The following GLRA2 variants were observed in gnomAD, a reference collection of about 807,000 sequenced individuals.
GLRA2 encodes glycine receptor subunit alpha-2.
In GLRA2, 11 loss-of-function variants were observed where a neutral mutation model predicts 31.6. That is an observed-to-expected ratio of 0.35 (90% CI 0.22 to 0.58). The LOEUF is 0.58. Among genes scored for constraint, GLRA2 ranks in the 20% least tolerant of loss-of-function variants. The pLI, the probability that GLRA2 is intolerant of heterozygous loss-of-function variation, is 0.84. For synonymous variants in GLRA2, 132 were observed against 134.0 expected (o/e 0.99, Z 0.10); for missense variants, 212 against 351.8 (o/e 0.60, Z 3.18).
At chrX:14,580,663 G>T (rs2090006918) in intron 3 of GLRA2, among the ~76,000 whole-genome samples, 1 of 112,144 alleles carries the variant, frequency 8.9e-6, no homozygotes, top group African/African-American at 3.2e-5. Flanking sequence ...CAACATGAAA[G>T]ATCTTAATGT....
chrX:14,471,200 TGAGAA>T, the GLRA2 span, among the ~76,000 whole-genome samples: 1 of 111,983 alleles, frequency 8.9e-6, no homozygotes, highest in East Asian at 2.8e-4. Flanking sequence ...AACACATTAA[TGAGAA>T]GAGACCTAAT....
At chrX:14,658,720 T>C (rs934841993) in intron 7 of GLRA2, among the ~76,000 whole-genome samples, 3 of 112,057 alleles carry the variant, frequency 2.7e-5, no homozygotes, top group Middle Eastern at 4.6e-3. Flanking sequence ...CCCAATGAGA[T>C]GAAAGCTGAA....
rs960410367 is a variant in GLRA2, at chrX:14,532,441, A to G, written c.202+69A>G. The G allele has an allele frequency of 7.5e-6, 5 of 662,344 alleles. No individual in the cohort carries two copies. In the African/African-American group the frequency reaches 1.1e-4, roughly 15 times the overall value. 54.6% of individuals were successfully genotyped at this position (662,344 alleles called of 1,213,427 possible). On this transcript the variant is annotated intron_variant, in intron 2 of 8. Transcript: ENST00000218075. ...TAGATGTTTGAATAGTTAACTGAAAAACATTTTCAGGGCTTTTAATTATAA... is the reference window on the plus strand; with the variant it reads ...TAGATGTTTGAATAGTTAACTGAAAGACATTTTCAGGGCTTTTAATTATAA...
intron 4 of GLRA2, among the ~76,000 whole-genome samples, chrX:14,582,669 C>T (rs1216148391): frequency 1.8e-5 from 2 of 111,731 alleles, no homozygotes; most frequent in East Asian, 5.6e-4. Context: ...AATCTATGAC[C>T]CTCAGTTACC....
At chrX:14,613,663 A>G (rs73454666) in intron 7 of GLRA2, among the ~76,000 whole-genome samples, 4,159 of 111,354 alleles carry the variant, frequency 0.037, 125 homozygotes, top group African/African-American at 0.097. Context: ...GTATTTGCAA[A>G]GATCCTGGAA....
At chrX:14,632,032 T>C (rs910791656) in intron 7 of GLRA2, among the ~76,000 whole-genome samples, 2 of 74,959 alleles carry the variant, frequency 2.7e-5, no homozygotes, top group Admixed American at 1.6e-4. Context: ...GACCCTCAGA[T>C]CCATCTTTTC....
At chrX:14,583,485 T>C (rs1385580122) in intron 4 of GLRA2, among the ~76,000 whole-genome samples, 2 of 112,527 alleles carry the variant, frequency 1.8e-5, no homozygotes, top group African/African-American at 6.5e-5. Flanking sequence ...ACGCCTGTAA[T>C]CCCAGCACTT....
intron 7 of GLRA2, among the ~76,000 whole-genome samples, chrX:14,666,880 T>C (rs374062691): frequency 1.8e-5 from 2 of 112,158 alleles, no homozygotes; most frequent in East Asian, 2.8e-4. Context: ...AGTCCAATAC[T>C]AGTGCTTACA....
At chrX:14,574,623 G>A (rs1387729761) in intron 3 of GLRA2, 1 of 847,377 alleles carries the variant, frequency 1.2e-6, no homozygotes, top group African/African-American at 2.0e-5. Context: ...GAAGTGCACT[G>A]TGGCATATTT....
intron 7 of GLRA2, among the ~76,000 whole-genome samples, chrX:14,644,829 C>A (rs1225930323): frequency 1.8e-5 from 2 of 111,985 alleles, no homozygotes; most frequent in African/African-American, 6.5e-5. Context: ...GAGGGAAAGA[C>A]AAACAGAAGA....
chrX:14,718,550 A>G (rs2091822605), intron 8 of GLRA2, among the ~76,000 whole-genome samples: 2 of 112,161 alleles, frequency 1.8e-5, no homozygotes, highest in Middle Eastern at 4.6e-3. Context: ...ACTTGTCTCT[A>G]CTACATGATG....
At chrX:14,617,595 A>C (rs1360438742) in intron 7 of GLRA2, among the ~76,000 whole-genome samples, 1 of 111,200 alleles carries the variant, frequency 9.0e-6, no homozygotes, top group Non-Finnish European at 1.9e-5. Context: ...CTCTCCTGCT[A>C]CTCTTGGGAT....
At chrX:14,703,145 G>A (rs778203899) in intron 8 of GLRA2, among the ~76,000 whole-genome samples, 56 of 112,037 alleles carry the variant, frequency 5.0e-4, no homozygotes, top group Non-Finnish European at 8.8e-4. Flanking sequence ...ATAATGGAAT[G>A]TGTAAAATTT....
chrX:14,498,535 A>T, the GLRA2 span, among the ~76,000 whole-genome samples: 1 of 110,916 alleles, frequency 9.0e-6, no homozygotes, highest in African/African-American at 3.3e-5. Flanking sequence ...GTAATTTAAT[A>T]TATTTGTATA....
At chrX:14,709,050 A>ATAAC (rs1601872124) in intron 8 of GLRA2, among the ~76,000 whole-genome samples, 1 of 111,875 alleles carries the variant, frequency 8.9e-6, no homozygotes, top group African/African-American at 3.3e-5. Flanking sequence ...GCCTCTGATT[A>ATAAC]TAACTATTGT....
intron 5 of GLRA2, among the ~76,000 whole-genome samples, chrX:14,604,931 G>A (rs1168253022): frequency 9.0e-6 from 1 of 110,504 alleles, no homozygotes; most frequent in African/African-American, 3.3e-5. Flanking sequence ...GATGGAATAA[G>A]ACAGAATAAG....
chrX:14,561,315 T>C (rs775317794), intron 2 of GLRA2, among the ~76,000 whole-genome samples: 47 of 112,626 alleles, frequency 4.2e-4, no homozygotes, highest in African/African-American at 1.2e-3. Flanking sequence ...ATTTCATCTA[T>C]GGAAAGACCA....
chrX:14,613,470 CAAAG>C (rs916815392), intron 7 of GLRA2, among the ~76,000 whole-genome samples: 15 of 110,516 alleles, frequency 1.4e-4, no homozygotes, highest in East Asian at 2.8e-4. Context: ...TTTTAAAAAA[CAAAG>C]AAAGCAAAAC....
the GLRA2 span, among the ~76,000 whole-genome samples, chrX:14,519,696 G>A: frequency 3.6e-5 from 4 of 112,074 alleles, no homozygotes; most frequent in African/African-American, 9.7e-5. Context: ...ATTTTGAAAC[G>A]TCTTGGGTAT....
Sources: allele counts gnomAD v4.1 joint callset (sites outside exome capture counted in the v4.1 genomes callset), GRCh38; gene constraint gnomAD v4.1.1; transcripts MANE v1.5; gene names NCBI Gene and HGNC (gene_info 2026-07-23, HGNC 2026-07-21).